The following ESRRB variants were observed in gnomAD, a reference collection of about 807,000 sequenced individuals.
ESRRB encodes estrogen related receptor beta.
A neutral mutation model predicts 46.0 loss-of-function variants in ESRRB; 16 were observed. The ratio of observed to expected loss-of-function variants is 0.35; its 90% confidence interval spans 0.24 to 0.53. The LOEUF (loss-of-function observed/expected upper bound fraction) is 0.53, where lower values mean the gene tolerates loss of function less well. ESRRB is among the 20% of genes least tolerant of loss of function. The probability of loss-of-function intolerance (pLI) is 0.93; values close to 1 mark genes in which losing one functional copy is unlikely to be tolerated. For synonymous variants in ESRRB, 246 were observed against 259.6 expected (o/e 0.95, Z 0.50); for missense variants, 488 against 607.4 (o/e 0.80, Z 2.07).
At chr14:76,486,430 C>G (rs920237469) in intron 5 of ESRRB, among the ~76,000 whole-genome samples, 9 of 152,206 alleles carry the variant, frequency 5.9e-5, no homozygotes, top group Non-Finnish European at 1.3e-4. Context: ...GTGACAGCAG[C>G]TGTGTCTGAA....
chr14:76,464,869 G>C (rs1306644735), intron 3 of ESRRB, among the ~76,000 whole-genome samples: 1 of 152,136 alleles, frequency 6.6e-6, no homozygotes, highest in Non-Finnish European at 1.5e-5. Flanking sequence ...AAGCATGCCT[G>C]AGTGCTGGTC....
intron 1 of ESRRB, among the ~76,000 whole-genome samples, chr14:76,354,438 A>C (rs1263010733): frequency 1.3e-5 from 2 of 151,888 alleles, no homozygotes; most frequent in Non-Finnish European, 2.9e-5. Context: ...TTTTCCAGGG[A>C]CCTATCTCAC....
At chr14:76,487,500 G>A (rs770483339) in intron 5 of ESRRB, among the ~76,000 whole-genome samples, 82 of 151,234 alleles carry the variant, frequency 5.4e-4, no homozygotes, top group Non-Finnish European at 1.1e-3. Context: ...TATTACATTA[G>A]TTACCTTTTT....
intron 1 of ESRRB, among the ~76,000 whole-genome samples, chr14:76,335,081 T>C (rs931139367): frequency 6.6e-6 from 1 of 152,186 alleles, no homozygotes; most frequent in African/African-American, 2.4e-5. Context: ...GGCGCCGTAG[T>C]TCCCTATTGG....
intron 1 of ESRRB, among the ~76,000 whole-genome samples, chr14:76,358,357 A>G (rs1595053964): frequency 1.5e-5 from 1 of 68,570 alleles, no homozygotes; most frequent in Non-Finnish European, 3.2e-5. Flanking sequence ...GAAAGAAAGA[A>G]AGAAAGAAAG....
At chr14:76,430,488 G>A (rs965964641) in intron 1 of ESRRB, among the ~76,000 whole-genome samples, 1 of 152,130 alleles carries the variant, frequency 6.6e-6, no homozygotes, top group Admixed American at 6.6e-5. Flanking sequence ...TTGGATGAGG[G>A]AAGGGGTTTG....
At chr14:76,367,763 C>T (rs1352185528), upstream of ESRRB, among the ~76,000 whole-genome samples, 3 of 151,962 alleles carry the variant, frequency 2.0e-5, no homozygotes, top group African/African-American at 7.3e-5. Context: ...TCCAGGGAAC[C>T]CGAGCCAACA....
chr14:76,338,736 A>G (rs183149351), intron 1 of ESRRB, among the ~76,000 whole-genome samples: 319 of 152,330 alleles, frequency 2.1e-3, no homozygotes, highest in Non-Finnish European at 4.2e-3. Context: ...ACTTGAGGTC[A>G]GGAGTTTGAG....
At chr14:76,323,024 C>G (rs1050385874) in intron 1 of ESRRB, among the ~76,000 whole-genome samples, 1 of 152,190 alleles carries the variant, frequency 6.6e-6, no homozygotes, top group Non-Finnish European at 1.5e-5. Context: ...TGTCCAGGGG[C>G]TCCCACAGCC....
At chr14:76,336,533 C>G (rs1303065694) in intron 1 of ESRRB, among the ~76,000 whole-genome samples, 1 of 152,332 alleles carries the variant, frequency 6.6e-6, no homozygotes, top group East Asian at 1.9e-4. Context: ...GGCTTTCAGA[C>G]CCCCTGGTCC....
intron 1 of ESRRB, among the ~76,000 whole-genome samples, chr14:76,400,463 G>A (rs190306366): frequency 6.6e-6 from 1 of 152,364 alleles, no homozygotes; most frequent in Admixed American, 6.5e-5. Flanking sequence ...ATTGAAGTCT[G>A]TCCCTGATTC....
intron 1 of ESRRB, among the ~76,000 whole-genome samples, chr14:76,359,325 G>A (rs1884435726): frequency 1.3e-5 from 2 of 152,196 alleles, no homozygotes; most frequent in South Asian, 4.1e-4. Flanking sequence ...CAAGGGTGAG[G>A]AAATGCACAA....
intron 2 of ESRRB, among the ~76,000 whole-genome samples, chr14:76,453,139 G>GT (rs1432296460): frequency 5.3e-5 from 8 of 152,248 alleles, no homozygotes; most frequent in African/African-American, 1.7e-4. Context: ...TTGAGAACTG[G>GT]TGTTCGAGAG....
Position 76,499,395 on chromosome 14 carries a change from C to CG in ESRRB, c.*943dup, listed in dbSNP as rs763314039. The CG allele has an allele frequency of 1.9e-5, 5 of 264,554 alleles. No homozygotes were observed. The highest frequency in any genetic ancestry group is 8.8e-5 in the African/African-American group (4 of 45,502). The allele number at this position is 264,554 out of a possible 1,614,324, so 16.4% of individuals were successfully genotyped here. ...AGCCTGGCTCCATCCAAGAGCACCCCGGGGGGAGGATCAGGACAGGATGGA... is the reference window on the plus strand; with the variant it reads ...AGCCTGGCTCCATCCAAGAGCACCCCGGGGGGGAGGATCAGGACAGGATGGA... On this transcript the variant is annotated 3_prime_UTR_variant, in exon 7 of 7. Transcript: ENST00000644823.
At chr14:76,495,067 TACACACCCAC>T (rs1259154910) in intron 6 of ESRRB, among the ~76,000 whole-genome samples, 3 of 146,828 alleles carry the variant, frequency 2.0e-5, no homozygotes, top group Admixed American at 6.7e-5. Context: ...TGCACATACA[TACACACCCAC>T]ACATACACAC....
chr14:76,491,790 C>G (rs1436263218), intron 6 of ESRRB, 74 bp downstream of exon 6: 1 of 1,464,178 alleles, frequency 6.8e-7, no homozygotes, highest in Non-Finnish European at 9.1e-7. Flanking sequence ...ATCCCTGGGG[C>G]CTGTGGGCAG....
chr14:76,405,628 G>A (rs779116182), intron 1 of ESRRB, among the ~76,000 whole-genome samples: 16 of 152,072 alleles, frequency 1.1e-4, no homozygotes, highest in Non-Finnish European at 1.9e-4. Context: ...AATGGACAAA[G>A]CTCGGGATTT....
intron 1 of ESRRB, among the ~76,000 whole-genome samples, chr14:76,315,268 C>G (rs952617288): frequency 1.4e-5 from 1 of 72,960 alleles, no homozygotes. Context: ...GCATTCACCC[C>G]CTGTGCTATG....
At chr14:76,442,508 A>C (rs1374124389) in intron 2 of ESRRB, among the ~76,000 whole-genome samples, 1 of 152,168 alleles carries the variant, frequency 6.6e-6, no homozygotes, top group East Asian at 1.9e-4. Context: ...AAAAATAAAA[A>C]TAAAAAGTGA....
Sources: allele counts gnomAD v4.1 joint callset (sites outside exome capture counted in the v4.1 genomes callset), GRCh38; gene constraint gnomAD v4.1.1; transcripts MANE v1.5; gene names NCBI Gene and HGNC (gene_info 2026-07-23, HGNC 2026-07-21).